The following LRRTM3 variants were observed in gnomAD, a reference collection of about 807,000 sequenced individuals.
The protein encoded by LRRTM3 is leucine rich repeat transmembrane neuronal 3, also known as leucine-rich repeat transmembrane neuronal protein 3.
Under a neutral mutation model 44.7 loss-of-function variants are expected in LRRTM3, and 24 were observed. The observed-to-expected ratio is 0.54, with a 90% confidence interval of 0.39 to 0.76. The LOEUF is 0.76. Ranked by LOEUF, LRRTM3 falls within the 30% of genes least tolerant of loss-of-function variation. LRRTM3 has a pLI of 0.00. For missense variants in LRRTM3, 587 were observed against 702.2 expected, an observed-to-expected ratio of 0.84 and a Z score of 1.85; for synonymous variants, 277 against 278.7, an observed-to-expected ratio of 0.99 and a Z score of 0.06.
intron 2 of LRRTM3, among the ~76,000 whole-genome samples, chr10:66,963,666 G>A (rs1488377794): frequency 6.6e-6 from 1 of 151,970 alleles, no homozygotes; most frequent in African/African-American, 2.4e-5. Flanking sequence ...GTAAGGTATA[G>A]AGGGCATGTC....
chr10:67,021,825 AC>A, intron 2 of LRRTM3, among the ~76,000 whole-genome samples: 1 of 152,314 alleles, frequency 6.6e-6, no homozygotes, highest in East Asian at 1.9e-4. Flanking sequence ...GAAAGGAAGT[AC>A]TATAAAGGGA....
chr10:67,086,270 A>G (rs532215430), intron 2 of LRRTM3, among the ~76,000 whole-genome samples: 1 of 152,188 alleles, frequency 6.6e-6, no homozygotes, highest in East Asian at 1.9e-4. Flanking sequence ...AAAAAATGTT[A>G]CTTGAACTAA....
At chr10:66,932,954 C>G (rs1465885794) in intron 2 of LRRTM3, among the ~76,000 whole-genome samples, 2 of 152,178 alleles carry the variant, frequency 1.3e-5, no homozygotes, top group Non-Finnish European at 2.9e-5. Flanking sequence ...CTAATCAAGT[C>G]ATCACAGGTA....
At chr10:66,961,107 G>T (rs553246209) in intron 2 of LRRTM3, among the ~76,000 whole-genome samples, 1 of 152,204 alleles carries the variant, frequency 6.6e-6, no homozygotes, top group East Asian at 1.9e-4. Flanking sequence ...CAATAGCAAG[G>T]TCTTCTAGCA....
At chr10:67,022,331 CTCTGTGTGTGTGTGTG>C (rs1184527715) in intron 2 of LRRTM3, among the ~76,000 whole-genome samples, 1 of 151,864 alleles carries the variant, frequency 6.6e-6, no homozygotes, top group African/African-American at 2.4e-5. Flanking sequence ...ACACACATGC[CTCTGTGTGTGTGTGTG>C]TCTGTGTGTG....
chr10:67,011,355 AAGCT>A (rs1293913344), intron 2 of LRRTM3, among the ~76,000 whole-genome samples: 2 of 151,744 alleles, frequency 1.3e-5, no homozygotes, highest in Non-Finnish European at 2.9e-5. Context: ...AAAAAAAAAA[AAGCT>A]AGCCTGTTCT....
chr10:67,090,201 T>C (rs750469337), intron 2 of LRRTM3, among the ~76,000 whole-genome samples: 13 of 152,082 alleles, frequency 8.5e-5, no homozygotes, highest in Admixed American at 2.0e-4. Flanking sequence ...GTTTTCGAGA[T>C]TGGACTCTTC....
At chr10:66,998,660 A>T (rs1851504806) in intron 2 of LRRTM3, among the ~76,000 whole-genome samples, 1 of 152,198 alleles carries the variant, frequency 6.6e-6, no homozygotes, top group Non-Finnish European at 1.5e-5. Flanking sequence ...AGCAAAAAAT[A>T]TAGTAATTCC....
At chr10:66,949,692 G>A (rs1228502416) in intron 2 of LRRTM3, among the ~76,000 whole-genome samples, 3 of 152,116 alleles carry the variant, frequency 2.0e-5, no homozygotes, top group Non-Finnish European at 2.9e-5. Context: ...AATGCTTATA[G>A]TATGTGAAAA....
chr10:67,033,507 T>C (rs1853859769), intron 2 of LRRTM3, among the ~76,000 whole-genome samples: 1 of 152,246 alleles, frequency 6.6e-6, no homozygotes, highest in Non-Finnish European at 1.5e-5. Context: ...CAATACACGA[T>C]GTAAATAAAA....
intron 2 of LRRTM3, among the ~76,000 whole-genome samples, chr10:66,978,552 A>AATATATATATATAT (rs1554890349): frequency 0.013 from 486 of 37,744 alleles, 8 homozygotes; most frequent in Middle Eastern, 0.04. Flanking sequence ...AAAAAAAAAA[A>AATATATATATATAT]ATATATATAT....
intron 2 of LRRTM3, among the ~76,000 whole-genome samples, chr10:67,001,681 T>G (rs1851700032): frequency 6.6e-6 from 1 of 152,180 alleles, no homozygotes; most frequent in Non-Finnish European, 1.5e-5. Flanking sequence ...GGATCCTAAT[T>G]GTATTCATAA....
intron 2 of LRRTM3, among the ~76,000 whole-genome samples, chr10:67,039,837 T>C (rs1000287088): frequency 6.6e-6 from 1 of 152,282 alleles, no homozygotes; most frequent in South Asian, 2.1e-4. Context: ...TGCTATGTTA[T>C]ATAATAATCT....
At chr10:66,937,629 A>C (rs928055971) in intron 2 of LRRTM3, among the ~76,000 whole-genome samples, 5 of 152,176 alleles carry the variant, frequency 3.3e-5, no homozygotes, top group African/African-American at 1.2e-4. Flanking sequence ...ATGGTAGTAC[A>C]TAAAACCAAT....
rs1197845049 is a variant in LRRTM3, at chr10:66,978,552, A to ATATATATATATAT, written c.1536+50100_1536+50101insTATATATATATAT. 5.5e-4 allele frequency among the ~76,000 whole-genome samples: 21 copies of ATATATATATATAT among 37,886 alleles called. No homozygotes were observed. The South Asian group carries it at 5.8e-3, about 10-fold the overall frequency. The allele number at this position is 37,886 out of a possible 152,430, so 24.9% of individuals were successfully genotyped here. On this transcript the variant is annotated intron_variant, in intron 2 of 2. Coordinates refer to ENST00000361320, the MANE Select transcript of LRRTM3 (RefSeq NM_178011.5). ...AAAAAAAAAAAAAAAAAAAAAAAAA[A>ATATATATATATAT]ATATATATATATATATATAGTATGG...
intron 2 of LRRTM3, among the ~76,000 whole-genome samples, chr10:66,968,368 TCGAAAAAAGATATACATA>T (rs1263552765): frequency 6.8e-6 from 1 of 147,914 alleles, no homozygotes; most frequent in African/African-American, 2.5e-5. Flanking sequence ...ATAAAACACA[TCGAAAAAAGATATACATA>T]CATATTAGTT....
intron 2 of LRRTM3, among the ~76,000 whole-genome samples, chr10:67,021,046 T>G (rs1852978299): frequency 6.6e-6 from 1 of 152,174 alleles, no homozygotes; most frequent in African/African-American, 2.4e-5. Flanking sequence ...GTATTAAAAC[T>G]TCTCTTTGTT....
At chr10:67,092,388 A>T (rs926941511) in intron 2 of LRRTM3, among the ~76,000 whole-genome samples, 1 of 151,980 alleles carries the variant, frequency 6.6e-6, no homozygotes, top group Non-Finnish European at 1.5e-5. Context: ...GAAGGAAAAC[A>T]TGGCCTTTTT....
chr10:67,052,174 CTACCTTA>C (rs1276772382), intron 2 of LRRTM3, among the ~76,000 whole-genome samples: 3 of 152,174 alleles, frequency 2.0e-5, no homozygotes, highest in African/African-American at 7.2e-5. Flanking sequence ...GCTAGGTCCT[CTACCTTA>C]TCTGTGGTAC....
Sources: allele counts gnomAD v4.1 joint callset (sites outside exome capture counted in the v4.1 genomes callset), GRCh38; gene constraint gnomAD v4.1.1; transcripts MANE v1.5; gene names NCBI Gene and HGNC (gene_info 2026-07-23, HGNC 2026-07-21).